ADAM7: variants seen among roughly 807,000 people sequenced by gnomAD.
ADAM7 encodes the protein disintegrin and metalloproteinase domain-containing protein 7.
A neutral mutation model predicts 102.9 loss-of-function variants in ADAM7; 97 were observed. The ratio of observed to expected loss-of-function variants is 0.94; its 90% CI spans 0.80 to 1.12. ADAM7 has a LOEUF of 1.12. Ranked by LOEUF, ADAM7 falls within the 50% of genes most tolerant of loss-of-function variation. The pLI is 0.00. For missense variants in ADAM7, 991 were observed against 908.7 expected (o/e 1.09, Z -1.16); for synonymous variants, 334 against 304.4 (o/e 1.10, Z -1.01).
At chr8:24,485,220 T>C in intron 9 of ADAM7, 57 bp from the exon 10 acceptor site, 1 of 1,475,562 alleles carries the variant, frequency 6.8e-7, no homozygotes, top group South Asian at 1.2e-5. Context: ...AATTTGATCT[T>C]TGTGTTAATT....
At chr8:24,466,660 C>T in intron 5 of ADAM7, 139 bp from the exon 6 acceptor site, 1 of 670,748 alleles carries the variant, frequency 1.5e-6, no homozygotes, top group Non-Finnish European at 2.5e-6. Context: ...CATCACATTT[C>T]CTTACCACTG....
intron 8 of ADAM7, among the ~76,000 whole-genome samples, chr8:24,477,013 C>A (rs1819789380): frequency 1.3e-5 from 2 of 152,108 alleles, no homozygotes; most frequent in Non-Finnish European, 2.9e-5. Flanking sequence ...TTCTAAGACA[C>A]CTCAGCCCTA....
chr8:24,468,774 A>G lies in ADAM7; in HGVS notation c.587A>G (p.His196Arg). Residue 196 changes from histidine (H) to arginine (R), a missense_variant, in exon 7 of 22, where the codon CAT becomes CGT. Coordinates refer to ENST00000175238, the MANE Select transcript of ADAM7 (RefSeq NM_003817.4). ...TTTTCCCTAACTTTACAGGGCATCC[A>G]TGATGAAAAGTATGTTGAATTGTTC... Reference protein sequence around the residue: ...SEEDSKIKGIHDEKYVELFIV... With the variant: ...SEEDSKIKGIRDEKYVELFIV... 1 of 1,613,392 alleles carries G rather than the reference A, an allele frequency of 6.2e-7. No individual in the cohort carries two copies. Among genetic ancestry groups the G allele is most frequent in the Non-Finnish European group, 8.5e-7 (1 of 1,179,732 alleles).
In ADAM7 at chr8:24,490,386, T is replaced by C. The variant is rs117445843; in HGVS notation, c.1267-413T>C. ...AAGTTACCATTTTGATGTTATTTAA[T>C]GATACATTAAAAAATAAAAGTCAGC... On this transcript the variant is annotated intron_variant, in intron 12 of 21. Transcript: ENST00000175238. 1,227 of 155,720 alleles carry C rather than the reference T, an allele frequency of 7.9e-3. 8 individuals are homozygous for C. The highest frequency in any genetic ancestry group is 0.013 in the Non-Finnish European group (909 of 70,176). 9.6% of individuals were successfully genotyped at this position (155,720 alleles called of 1,614,324 possible).
intron 2 of ADAM7, among the ~76,000 whole-genome samples, chr8:24,445,583 C>T (rs557446436): frequency 7.9e-5 from 12 of 152,200 alleles, no homozygotes; most frequent in Non-Finnish European, 1.6e-4. Flanking sequence ...CTGCTCAAAT[C>T]ATCTGCATTC....
chr8:24,505,282 G>A (rs991491160), intron 20 of ADAM7, among the ~76,000 whole-genome samples: 2 of 152,056 alleles, frequency 1.3e-5, no homozygotes, highest in African/African-American at 4.8e-5. Flanking sequence ...GGACATATTT[G>A]TTATGATTAT....
chr8:24,503,108 AC>A (rs1186415238), intron 20 of ADAM7, among the ~76,000 whole-genome samples: 1 of 152,236 alleles, frequency 6.6e-6, no homozygotes, highest in Non-Finnish European at 1.5e-5. Context: ...AGGCTAACTT[AC>A]TGTATTATCA....
At chr8:24,464,687 G>C (rs1189091956) in intron 4 of ADAM7, among the ~76,000 whole-genome samples, 1 of 152,160 alleles carries the variant, frequency 6.6e-6, no homozygotes, top group Non-Finnish European at 1.5e-5. Context: ...TGCAACCTCC[G>C]CCTCCCAGGT....
intron 20 of ADAM7, among the ~76,000 whole-genome samples, chr8:24,502,639 T>C (rs1316605480): frequency 6.6e-6 from 1 of 152,068 alleles, no homozygotes; most frequent in Non-Finnish European, 1.5e-5. Flanking sequence ...GACAGTGCAA[T>C]GAAATGGAAA....
intron 3 of ADAM7, among the ~76,000 whole-genome samples, chr8:24,452,653 T>A (rs1563374393): frequency 6.7e-6 from 1 of 149,722 alleles, no homozygotes. Context: ...CATTTACATT[T>A]AAAGTTAATA....
At position 24,485,351 on chromosome 8, in the gene ADAM7, G is replaced by A; in HGVS notation, c.950G>A (p.Ser317Asn). ...ATGTGCCTGCCCTATTATTCCACCA[G>A]TATCATTAAGGTGGGCTGTGTTTTA... ...GGMCLPYYSTSIIKDLLPDTN... is the reference protein window; with the variant it reads ...GGMCLPYYSTNIIKDLLPDTN... Residue 317 changes from serine to asparagine, a missense_variant, in exon 10 of 22, where the codon AGT (serine) becomes AAT (asparagine). Ser to Asn is a conservative substitution (Grantham distance 46). Coordinates refer to ENST00000175238, the MANE Select transcript of ADAM7 (RefSeq NM_003817.4). 3 of 1,612,982 alleles carry A rather than the reference G, an allele frequency of 1.9e-6. No individual in the cohort carries two copies. The highest frequency in any genetic ancestry group is 2.5e-6 in the Non-Finnish European group (3 of 1,179,242).
Position 24,447,177 on chromosome 8 carries a change from C to G in ADAM7, c.157-9C>G, listed in dbSNP as rs762608788. 14 of 1,522,484 alleles carry G rather than the reference C, an allele frequency of 9.2e-6. No individual in the cohort carries two copies. The highest frequency in any genetic ancestry group is 1.3e-5 in the Non-Finnish European group (14 of 1,113,900). The allele number at this position is 1,522,484 out of a possible 1,614,324, so 94.3% of individuals were successfully genotyped here. On this transcript the variant is annotated splice_polypyrimidine_tract_variant and intron_variant, in intron 2 of 21. Transcript: ENST00000175238. ...ATGTTGAAGTCACGTGATGCCTCTT[C>G]TTTTTTAGAAAACGTATGAAGAAGA...
intron 2 of ADAM7, among the ~76,000 whole-genome samples, chr8:24,443,015 TAACAATTAA>T (rs1818426829): frequency 6.6e-6 from 1 of 152,110 alleles, no homozygotes; most frequent in South Asian, 2.1e-4. Context: ...ATTCAGATAT[TAACAATTAA>T]ATAAAAACTT....
chr8:24,471,290 A>G (rs903208539), intron 7 of ADAM7, among the ~76,000 whole-genome samples: 3 of 152,122 alleles, frequency 2.0e-5, no homozygotes, highest in African/African-American at 7.2e-5. Context: ...ATAAATAAAA[A>G]TATACTTGTG....
intron 8 of ADAM7, among the ~76,000 whole-genome samples, chr8:24,476,837 C>T (rs930513647): frequency 6.6e-6 from 1 of 152,102 alleles, no homozygotes; most frequent in Non-Finnish European, 1.5e-5. Context: ...CGTTGTATAA[C>T]AAAAAGTCTT....
chr8:24,503,476 C>G (rs1009090656), intron 20 of ADAM7, among the ~76,000 whole-genome samples: 1 of 152,086 alleles, frequency 6.6e-6, no homozygotes, highest in Non-Finnish European at 1.5e-5. Flanking sequence ...GGCAATTTCT[C>G]AAGGATCTAG....
Position 24,506,133 on chromosome 8 carries a change from T to C in ADAM7, c.2209-1347T>C, listed in dbSNP as rs938345343. ...CTTGGAAAGCCTGCCCACTAGTTTT[T>C]CAAGTCCCCACTACATCACACTGGT... On this transcript the variant is annotated intron_variant, in intron 20 of 21. Transcript: ENST00000175238. 1.5e-5 allele frequency: 24 copies of C among 1,550,264 alleles called. No individual in the cohort carries two copies. In the African/African-American group the frequency reaches 3.3e-4, roughly 21 times the overall value.
intron 3 of ADAM7, among the ~76,000 whole-genome samples, chr8:24,450,894 T>C (rs1280209647): frequency 7.2e-5 from 11 of 152,200 alleles, no homozygotes; most frequent in African/African-American, 2.4e-4. Context: ...CTTTTCTGCA[T>C]CTATTGAGAT....
In ADAM7 at chr8:24,466,821, C is replaced by T; in HGVS notation, c.412C>T (p.Gln138Ter). 1 of 1,613,104 alleles carries T rather than the reference C, an allele frequency of 6.2e-7. No homozygotes were observed. The highest frequency in any genetic ancestry group is 8.5e-7 in the Non-Finnish European group (1 of 1,179,718). ...CAGGGGATTCTTCAGAATAAACGAC[C>T]AAAGATACCTCATTGAACCAGTGAA... ...GLRGFFRIND[Q>*]RYLIEPVKYS... Residue 138 changes from glutamine to a stop codon, truncating the protein, a stop_gained, in exon 6 of 22, where the codon CAA becomes TAA. Transcript: ENST00000175238. LOFTEE classifies it high-confidence loss of function.
Sources: gnomAD v4.1 joint callset for allele counts (sites outside exome capture counted in the v4.1 genomes callset) on GRCh38, gnomAD v4.1.1 for gene constraint, MANE v1.5 for transcripts, NCBI Gene and HGNC (gene_info 2026-07-23, HGNC 2026-07-21) for gene names.